Variants in MAPKAP1 observed in about 807,000 individuals in gnomAD.
MAPKAP1 encodes target of rapamycin complex 2 subunit MAPKAP1.
A neutral mutation model predicts 65.7 loss-of-function variants in MAPKAP1; 20 were observed. That is an observed-to-expected ratio of 0.30 (90% CI 0.21 to 0.44). MAPKAP1 has a LOEUF of 0.44. Ranked by LOEUF, MAPKAP1 falls within the 20% of genes least tolerant of loss-of-function variation. The probability of loss-of-function intolerance (pLI) is 1.00; values close to 1 mark genes in which losing one functional copy is unlikely to be tolerated. For synonymous variants in MAPKAP1, 222 were observed against 244.3 expected (o/e 0.91, Z 0.85); for missense variants, 423 against 648.0 (o/e 0.65, Z 3.77).
chr9:125,459,705 C>G (rs893983938), intron 10 of MAPKAP1, among the ~76,000 whole-genome samples: 3 of 152,166 alleles, frequency 2.0e-5, no homozygotes, highest in Non-Finnish European at 4.4e-5. Flanking sequence ...ATCGCAGGCA[C>G]TCGGCAGGCT....
At chr9:125,459,857 G>A (rs1189612843) in intron 10 of MAPKAP1, among the ~76,000 whole-genome samples, 6 of 139,290 alleles carry the variant, frequency 4.3e-5, no homozygotes, top group Admixed American at 7.1e-5. Flanking sequence ...AGACCGTGGG[G>A]AGAGGGAGAG....
chr9:125,557,022 A>T (rs1031360911), intron 6 of MAPKAP1, among the ~76,000 whole-genome samples: 1 of 152,216 alleles, frequency 6.6e-6, no homozygotes, highest in African/African-American at 2.4e-5. Flanking sequence ...TGAATTTTAA[A>T]ATAGAAAAAG....
intron 4 of MAPKAP1, among the ~76,000 whole-genome samples, chr9:125,606,194 G>A (rs537615902): frequency 9.4e-4 from 143 of 151,672 alleles, no homozygotes; most frequent in Non-Finnish European, 1.6e-3. Context: ...ACTTCATTAT[G>A]TTTAGAGGAA....
intron 4 of MAPKAP1, among the ~76,000 whole-genome samples, chr9:125,625,255 T>TTAAAAAAAAAAAAAAAAAAAAATAAA (rs1564589549): frequency 1.5e-5 from 1 of 64,714 alleles, no homozygotes; most frequent in East Asian, 4.4e-4. Flanking sequence ...AATAAATAAA[T>TTAAAAAAAAAAAAAAAAAAAAATAAA]AAAAAAAAAA....
At chr9:125,596,421 A>C (rs1299342386) in intron 4 of MAPKAP1, 5 of 802,386 alleles carry the variant, frequency 6.2e-6, no homozygotes, top group Admixed American at 5.1e-5. Flanking sequence ...TGATGGAAGC[A>C]ATTTTGGAGG....
intron 4 of MAPKAP1, among the ~76,000 whole-genome samples, chr9:125,598,970 G>A (rs1008250839): frequency 5.9e-5 from 9 of 151,374 alleles, no homozygotes; most frequent in African/African-American, 1.9e-4. Context: ...AACCCAGGAG[G>A]CGGAGGTTAC....
Position 125,586,250 on chromosome 9 carries a change from G to T in MAPKAP1, c.499-523C>A, listed in dbSNP as rs78457217. ...TCCTTCACTACCACACAGGTTCAAG[G>T]GCCCTTTGATCCTCCATTATTGCCC... On this transcript the variant is annotated intron_variant, in intron 4 of 11. Coordinates refer to ENST00000265960, the MANE Select transcript of MAPKAP1 (RefSeq NM_001006617.3). Among the ~76,000 whole-genome samples the T allele has an allele frequency of 4.8e-3, 737 of 152,084 alleles. 5 individuals are homozygous for T. Among genetic ancestry groups the T allele is most frequent in the African/African-American group, 0.017 (698 of 41,458 alleles).
At chr9:125,576,953 G>A (rs1450753896) in intron 5 of MAPKAP1, among the ~76,000 whole-genome samples, 1 of 152,174 alleles carries the variant, frequency 6.6e-6, no homozygotes, top group Non-Finnish European at 1.5e-5. Flanking sequence ...CGTCTGGGAA[G>A]TGAGGAGCGT....
chr9:125,677,489 A>G (rs1404451918), intron 1 of MAPKAP1, among the ~76,000 whole-genome samples: 3 of 152,146 alleles, frequency 2.0e-5, no homozygotes, highest in Non-Finnish European at 2.9e-5. Flanking sequence ...TGAGGTCAGG[A>G]GTTCGAGACT....
rs183257231 is a variant in MAPKAP1, at chr9:125,559,676, A to C, written c.805T>G (p.Ser269Ala). The change falls in exon 6 of 12, where the codon TCA becomes GCA. Residue 269 changes from serine to alanine, a missense_variant. Physicochemically the swap from Ser to Ala is moderately conservative, Grantham distance 99. Around this residue, in one of 6 missense-constraint regions of MAPKAP1, gnomAD observed 98 missense variants for 200.5 expected, o/e 0.49. Coordinates refer to ENST00000265960, the MANE Select transcript of MAPKAP1 (RefSeq NM_001006617.3). Reference protein sequence around the residue: ...FSTLALVEKYSSPGLTSKESL... With the variant: ...FSTLALVEKYASPGLTSKESL... Reference sequence around the variant, plus strand: ...TCTTTGGATGTCAGACCAGGAGATGAGTACTTTTCAACCAGGGCCAAAGTA... The same window carrying C: ...TCTTTGGATGTCAGACCAGGAGATGCGTACTTTTCAACCAGGGCCAAAGTA... 6.2e-7 allele frequency: 1 copy of C among 1,614,048 alleles called. No individual in the cohort carries two copies. Among genetic ancestry groups the C allele is most frequent in the East Asian group, 2.2e-5 (1 of 44,884 alleles).
At chr9:125,490,440 GA>G (rs1854660114) in intron 8 of MAPKAP1, among the ~76,000 whole-genome samples, 1 of 152,144 alleles carries the variant, frequency 6.6e-6, no homozygotes, top group African/African-American at 2.4e-5. Flanking sequence ...TTGGGAGGCT[GA>G]GGCAGGAAAA....
chr9:125,618,144 C>T (rs1832795800), intron 4 of MAPKAP1, among the ~76,000 whole-genome samples: 1 of 151,804 alleles, frequency 6.6e-6, no homozygotes. Flanking sequence ...GAGTTCGAGA[C>T]CAGCGTGGCC....
chr9:125,687,659 C>CCTGTAGTTCTAT (rs994049061), intron 1 of MAPKAP1, among the ~76,000 whole-genome samples: 2 of 151,626 alleles, frequency 1.3e-5, no homozygotes, highest in African/African-American at 4.9e-5. Flanking sequence ...GGGGCACATG[C>CCTGTAGTTCTAT]CTGTAGTTCT....
intron 7 of MAPKAP1, among the ~76,000 whole-genome samples, chr9:125,520,225 T>G (rs113817557): frequency 1.3e-5 from 2 of 152,168 alleles, no homozygotes; most frequent in Non-Finnish European, 2.9e-5. Context: ...AAGTAAAACG[T>G]GTAAGTAGAA....
chr9:125,498,437 C>A (rs1828871663), intron 8 of MAPKAP1, among the ~76,000 whole-genome samples: 1 of 152,160 alleles, frequency 6.6e-6, no homozygotes, highest in African/African-American at 2.4e-5. Flanking sequence ...AGAACAATAT[C>A]TTGTAGGGTA....
Position 125,595,387 on chromosome 9 carries a change from G to T in MAPKAP1, c.499-9660C>A. On this transcript the variant is annotated intron_variant, in intron 4 of 11. Coordinates refer to ENST00000265960, the MANE Select transcript of MAPKAP1 (RefSeq NM_001006617.3). This position sits in a 1 kb window ranked among gnomAD's most constrained non-coding sequence, Gnocchi z 4.0. ...ATGTGAACAGATATAGAATTGAAAT[G>T]TATGTATTTGAACATGCTGATGAAT... 3.6e-6 allele frequency: 1 copy of T among 279,544 alleles called. No homozygotes were observed. The highest frequency in any genetic ancestry group is 5.6e-6 in the Non-Finnish European group (1 of 178,740). The allele number at this position is 279,544 out of a possible 1,614,324, so 17.3% of individuals were successfully genotyped here.
intron 3 of MAPKAP1, among the ~76,000 whole-genome samples, chr9:125,659,398 C>CA (rs757869316): frequency 1.3e-5 from 2 of 152,188 alleles, no homozygotes; most frequent in Non-Finnish European, 2.9e-5. Context: ...CTTTCATTCT[C>CA]AGACATTCAC....
Position 125,672,503 on chromosome 9 carries a change from C to T in MAPKAP1, c.72G>A (p.Thr24=), listed in dbSNP as rs138237151. The T allele has an allele frequency of 1.4e-4, 234 of 1,614,020 alleles. No individual in the cohort carries two copies. Among genetic ancestry groups the T allele is most frequent in the Non-Finnish European group, 1.9e-4 (220 of 1,179,996 alleles). The change falls in exon 2 of 12, where the codon ACG becomes ACA. Residue 24 remains threonine (T), a synonymous_variant. Coordinates refer to ENST00000265960, the MANE Select transcript of MAPKAP1 (RefSeq NM_001006617.3). ...IRQSHVTSDD[T]GMCEMVLIDH... ...CAATGAGAACCATCTCACACATTCC[C>T]GTGTCATCACTGGTCACATGTGACT...
Position 125,648,709 on chromosome 9 carries a change from G to A in MAPKAP1, c.498+8942C>T, listed in dbSNP as rs112094820. The stretch of plus-strand genomic sequence containing the variant: ...TGTAATCCCAGCACTTTGGGAGGCC[G>A]AGGCAGGCGGATTACCTGGTCAGGA... On this transcript the variant is annotated intron_variant, in intron 4 of 11. Transcript: ENST00000265960. Among the ~76,000 whole-genome samples the A allele has an allele frequency of 3.8e-3, 572 of 152,204 alleles. 2 individuals are homozygous for A. Among genetic ancestry groups the A allele is most frequent in the Middle Eastern group, 6.8e-3 (2 of 294 alleles).
Sources: gnomAD v4.1 joint callset for allele counts (sites outside exome capture counted in the v4.1 genomes callset) on GRCh38, gnomAD v4.1.1 for gene constraint, gnomAD v4.1.1 regional missense constraint, Gnocchi (gnomAD v3.1) non-coding constraint, MANE v1.5 for transcripts, NCBI Gene and HGNC (gene_info 2026-07-23, HGNC 2026-07-21) for gene names.